The following CCDC148 variants were observed in gnomAD, a reference collection of about 807,000 sequenced individuals.
The protein encoded by CCDC148 is coiled-coil domain containing 148.
In CCDC148, 89 loss-of-function variants were observed where a neutral mutation model predicts 85.7. The observed-to-expected ratio is 1.04, with a 90% CI of 0.87 to 1.24. The LOEUF (loss-of-function observed/expected upper bound fraction) is 1.24. CCDC148 is among the 50% of genes most tolerant of loss of function. The pLI is 0.00. For missense variants in CCDC148, 692 were observed against 671.7 expected (o/e 1.03, Z -0.33); for synonymous variants, 230 against 213.9 (o/e 1.08, Z -0.66).
At chr2:158,435,323 C>T (rs1687592815) in intron 1 of CCDC148, among the ~76,000 whole-genome samples, 1 of 152,192 alleles carries the variant, frequency 6.6e-6, no homozygotes, top group African/African-American at 2.4e-5. Context: ...GGCCAATACT[C>T]CACATTCTTA....
chr2:158,229,987 G>A (rs74450629), intron 10 of CCDC148, among the ~76,000 whole-genome samples: 2,288 of 152,118 alleles, frequency 0.015, 26 homozygotes, highest in African/African-American at 0.029. Context: ...ACTCCACTCC[G>A]AAGTCACTGC....
intron 1 of CCDC148, among the ~76,000 whole-genome samples, chr2:158,375,231 C>G (rs181499338): frequency 8.3e-4 from 126 of 152,124 alleles, no homozygotes; most frequent in African/African-American, 3.0e-3. Flanking sequence ...TTGACCCTAC[C>G]AAGTCATACA....
At chr2:158,342,026 C>CTTTTTTTTTTTTTTTTTTT (rs1159799812) in intron 3 of CCDC148, among the ~76,000 whole-genome samples, 8 of 62,650 alleles carry the variant, frequency 1.3e-4, no homozygotes, top group Admixed American at 2.8e-4. Context: ...ATTTTCTTTT[C>CTTTTTTTTTTTTTTTTTTT]TTTTTTTTTT....
intron 1 of CCDC148, among the ~76,000 whole-genome samples, chr2:158,437,436 G>A (rs1687712805): frequency 6.6e-6 from 1 of 152,168 alleles, no homozygotes; most frequent in Non-Finnish European, 1.5e-5. Flanking sequence ...AGCGCTTCAT[G>A]CTGAAAACTC....
At chr2:158,414,559 T>C (rs1160379795) in intron 1 of CCDC148, among the ~76,000 whole-genome samples, 1 of 138,384 alleles carries the variant, frequency 7.2e-6, no homozygotes, top group Non-Finnish European at 1.6e-5. Flanking sequence ...TGTGCACATG[T>C]ACCCTAAAAC....
At chr2:158,323,912 G>A (rs539346731) in intron 7 of CCDC148, among the ~76,000 whole-genome samples, 3 of 140,826 alleles carry the variant, frequency 2.1e-5, no homozygotes, top group Admixed American at 7.2e-5. Context: ...TCACCACCTG[G>A]GAATAACTTT....
chr2:158,416,576 G>T (rs575983459), intron 1 of CCDC148, among the ~76,000 whole-genome samples: 1 of 152,110 alleles, frequency 6.6e-6, no homozygotes, highest in Non-Finnish European at 1.5e-5. Flanking sequence ...AGTGACCTTT[G>T]CTCCAGTTCC....
At chr2:158,352,313 A>T (rs1007692777) in intron 2 of CCDC148, among the ~76,000 whole-genome samples, 2 of 151,922 alleles carry the variant, frequency 1.3e-5, no homozygotes, top group East Asian at 3.9e-4. Context: ...AAGGGAAAGA[A>T]GTTGAAAACT....
chr2:158,231,049 A>T (rs1007411624), intron 10 of CCDC148, among the ~76,000 whole-genome samples: 8 of 152,146 alleles, frequency 5.3e-5, no homozygotes, highest in Non-Finnish European at 8.8e-5. Flanking sequence ...TAAGACCTCT[A>T]AGTTGGAGGG....
chr2:158,246,242 A>G (rs2105324370), intron 10 of CCDC148, among the ~76,000 whole-genome samples: 1 of 152,322 alleles, frequency 6.6e-6, no homozygotes. Flanking sequence ...TACCAAAGCA[A>G]CACCTCTCAT....
rs779074294 is a variant in CCDC148 at position 158,220,666 on chromosome 2, T to G, written c.1299A>C (p.Glu433Asp). ...AKKKQKWQEM[E>D]MRDLQRLEEL... ...CTTCTAGACGCTGAAGATCTCTCAT[T>G]TCCATTTCTTGCCACTTCTGTTTTT... The change falls in exon 11 of 14, where the codon GAA (glutamate) becomes GAC (aspartate). Residue 433 changes from glutamate (E) to aspartate (D), a missense_variant. Glu to Asp is a conservative substitution (Grantham distance 45). Coordinates refer to ENST00000283233, the MANE Select transcript of CCDC148 (RefSeq NM_138803.4). 6.3e-7 allele frequency: 1 copy of G among 1,595,836 alleles called. No individual in the cohort carries two copies. The highest frequency in any genetic ancestry group is 8.5e-7 in the Non-Finnish European group (1 of 1,175,988).
intron 1 of CCDC148, among the ~76,000 whole-genome samples, chr2:158,360,312 C>T (rs1375937832): frequency 6.6e-6 from 1 of 152,140 alleles, no homozygotes; most frequent in Non-Finnish European, 1.5e-5. Flanking sequence ...GCATAATGTT[C>T]GAGCTCTGCT....
At chr2:158,456,274 G>A (rs1688717516) in intron 1 of CCDC148, 141 bp downstream of exon 1, 6 of 816,064 alleles carry the variant, frequency 7.4e-6, no homozygotes, top group Admixed American at 2.0e-5. Context: ...GAAGAGTTAT[G>A]AGTTTGAGGA....
At chr2:158,264,437 A>G (rs2105155707) in intron 9 of CCDC148, among the ~76,000 whole-genome samples, 1 of 152,256 alleles carries the variant, frequency 6.6e-6, no homozygotes, top group East Asian at 1.9e-4. Context: ...CATTATCATC[A>G]GCAGAACCCC....
In CCDC148 at chr2:158,309,460, C is replaced by A. The variant is rs750388525; in HGVS notation, c.1083G>T (p.Gln361His). 1 of 1,614,110 alleles carries A rather than the reference C, an allele frequency of 6.2e-7. No homozygotes were observed. Among genetic ancestry groups the A allele is most frequent in the Non-Finnish European group, 8.5e-7 (1 of 1,179,996 alleles). ...TGGCTTTCAGATCAGCACACAATTC[C>A]TGTTGCTTTTTCTTGTCCTTAGCCA... is the stretch of plus-strand genomic sequence containing the variant. ...SMLAKDKKKQ[Q>H]ELCADLKAKV... Residue 361 changes from glutamine (Q) to histidine (H), a missense_variant, in exon 9 of 14, where the codon CAG becomes CAT. Physicochemically the swap from Gln to His is conservative, Grantham distance 24. Coordinates refer to ENST00000283233, the MANE Select transcript of CCDC148 (RefSeq NM_138803.4).
chr2:158,361,728 T>C (rs1482007724), intron 1 of CCDC148, among the ~76,000 whole-genome samples: 2 of 152,000 alleles, frequency 1.3e-5, no homozygotes, highest in South Asian at 4.2e-4. Flanking sequence ...ACGTAGCAAA[T>C]TGTAAAGACC....
intron 1 of CCDC148, among the ~76,000 whole-genome samples, chr2:158,376,626 G>A (rs1221556143): frequency 1.3e-5 from 2 of 151,944 alleles, no homozygotes; most frequent in South Asian, 4.1e-4. Flanking sequence ...TCCAGGTTAG[G>A]AAGTAAATAA....
At chr2:158,226,244 G>A (rs1687514317) in intron 10 of CCDC148, among the ~76,000 whole-genome samples, 1 of 152,072 alleles carries the variant, frequency 6.6e-6, no homozygotes, top group East Asian at 1.9e-4. Context: ...ACCCTCCCAA[G>A]ACTAAACCAG....
intron 1 of CCDC148, chr2:158,419,871 A>G (rs532795979): frequency 6.6e-6 from 1 of 152,262 alleles, no homozygotes; most frequent in Admixed American, 6.5e-5. Context: ...CACCCCTAGA[A>G]AGAAAAAATT....
Sources: gnomAD v4.1 joint callset for allele counts (sites outside exome capture counted in the v4.1 genomes callset) on GRCh38, gnomAD v4.1.1 for gene constraint, MANE v1.5 for transcripts, NCBI Gene and HGNC (gene_info 2026-07-23, HGNC 2026-07-21) for gene names.